The following PTPRN2 variants were observed in gnomAD, a reference collection of about 807,000 sequenced individuals.
The protein encoded by PTPRN2 is receptor-type tyrosine-protein phosphatase N2.
Under a neutral mutation model 118.8 loss-of-function variants are expected in PTPRN2, and 74 were observed. The observed-to-expected ratio is 0.62, with a 90% CI of 0.52 to 0.76. The LOEUF is 0.76. Ranked by LOEUF, PTPRN2 falls within the 30% of genes least tolerant of loss-of-function variation. The probability of loss-of-function intolerance (pLI) is 0.00; values close to 1 mark genes in which losing one functional copy is unlikely to be tolerated. For synonymous variants in PTPRN2, 641 were observed against 608.0 expected (o/e 1.05, Z -0.80); for missense variants, 1,481 against 1,394.4 (o/e 1.06, Z -0.99).
chr7:158,490,876 T>C (rs188525838), intron 1 of PTPRN2, among the ~76,000 whole-genome samples: 18 of 152,332 alleles, frequency 1.2e-4, no homozygotes, highest in African/African-American at 4.1e-4. Context: ...TTCCCTCTCC[T>C]GGAGTTCAGG....
At chr7:157,772,188 G>A (rs1358379782) in intron 12 of PTPRN2, among the ~76,000 whole-genome samples, 2 of 141,146 alleles carry the variant, frequency 1.4e-5, no homozygotes, top group Admixed American at 7.0e-5. Context: ...CACAGACACA[G>A]ACACACATAC....
At chr7:157,981,737 C>T (rs1232712633) in intron 11 of PTPRN2, among the ~76,000 whole-genome samples, 3 of 152,160 alleles carry the variant, frequency 2.0e-5, no homozygotes, top group Non-Finnish European at 2.9e-5. Context: ...TGGGCGTTTC[C>T]AAGTTAATTA....
intron 2 of PTPRN2, among the ~76,000 whole-genome samples, chr7:158,449,228 G>C (rs908116741): frequency 6.6e-6 from 1 of 152,334 alleles, no homozygotes; most frequent in African/African-American, 2.4e-5. Flanking sequence ...TCCAATGACA[G>C]ATACCAAAAC....
At chr7:157,594,871 A>G (rs939521059) in intron 17 of PTPRN2, among the ~76,000 whole-genome samples, 1 of 152,204 alleles carries the variant, frequency 6.6e-6, no homozygotes, top group Non-Finnish European at 1.5e-5. Context: ...AGGATGACAG[A>G]GGATGTACTT....
At chr7:157,846,718 G>A (rs561952445) in intron 12 of PTPRN2, among the ~76,000 whole-genome samples, 160 of 151,058 alleles carry the variant, frequency 1.1e-3, no homozygotes, top group Non-Finnish European at 1.5e-3. Flanking sequence ...ATGCGTGCCC[G>A]ATATCTACAG....
At chr7:158,308,108 T>G (rs550122134) in intron 3 of PTPRN2, among the ~76,000 whole-genome samples, 8 of 152,320 alleles carry the variant, frequency 5.3e-5, no homozygotes, top group Non-Finnish European at 1.0e-4. Flanking sequence ...TATTCTGTGA[T>G]AAGCAACAGA....
chr7:158,568,265 G>GC (rs1827777579), intron 1 of PTPRN2, among the ~76,000 whole-genome samples: 4 of 152,044 alleles, frequency 2.6e-5, no homozygotes, highest in African/African-American at 9.6e-5. Flanking sequence ...TAATAATAAT[G>GC]TTTTAAATTT....
chr7:158,152,017 C>CA (rs1397244327), intron 6 of PTPRN2, among the ~76,000 whole-genome samples: 2 of 151,850 alleles, frequency 1.3e-5, no homozygotes, highest in South Asian at 2.1e-4. Context: ...ACTAAAAATA[C>CA]AAAAAAATTA....
In PTPRN2 at chr7:158,007,909, T is replaced by A. The variant is rs560444622; in HGVS notation, c.1723+73389A>T. On this transcript the variant is annotated intron_variant, in intron 11 of 22. Coordinates refer to ENST00000389418, the MANE Select transcript of PTPRN2 (RefSeq NM_002847.5). ...GTGTGTATGTATCTGGTTGTGTGCATTGCACGTGTGTGAGGGTGTGTGTGG... is the reference window on the plus strand; with the variant it reads ...GTGTGTATGTATCTGGTTGTGTGCAATGCACGTGTGTGAGGGTGTGTGTGG... Among the ~76,000 whole-genome samples, 5 of 150,986 alleles carry A rather than the reference T, an allele frequency of 3.3e-5. No individual in the cohort carries two copies. In the East Asian group the frequency reaches 7.9e-4, roughly 24 times the overall value.
In PTPRN2 at chr7:158,299,969, G is replaced by C. The variant is rs1163915845; in HGVS notation, c.277+16850C>G. Among the ~76,000 whole-genome samples the C allele has an allele frequency of 3.3e-5, 5 of 152,264 alleles. No individual in the cohort carries two copies. In the East Asian group the frequency reaches 7.7e-4, roughly 24 times the overall value. The stretch of plus-strand genomic sequence containing the variant: ...AAGGCCTTTTCCGGTTAACACCACT[G>C]AATGGTTCATGGGGTCAGAGCAGGC... On this transcript the variant is annotated intron_variant, in intron 3 of 22. Transcript: ENST00000389418.
At chr7:158,068,865 GGTGTTGATAGA>G (rs1810989069) in intron 11 of PTPRN2, among the ~76,000 whole-genome samples, 1 of 152,152 alleles carries the variant, frequency 6.6e-6, no homozygotes, top group Non-Finnish European at 1.5e-5. Flanking sequence ...AATAAGACAA[GGTGTTGATAGA>G]GTGCAAACTG....
intron 2 of PTPRN2, among the ~76,000 whole-genome samples, chr7:158,418,865 G>A (rs1019137834): frequency 6.6e-6 from 1 of 152,194 alleles, no homozygotes; most frequent in African/African-American, 2.4e-5. Context: ...AGATGCTGTA[G>A]CTCTCACTGT....
intron 9 of PTPRN2, 64 bp from the exon 10 acceptor site, chr7:158,110,979 C>T: frequency 1.1e-5 from 15 of 1,387,144 alleles, no homozygotes; most frequent in Non-Finnish European, 1.5e-5. Context: ...AGAACTAAAG[C>T]CCTGTGGCCC....
chr7:157,576,611 A>T lies in PTPRN2; in HGVS notation c.2783+2T>A. On this transcript the variant is annotated splice_donor_variant, in intron 19 of 22. Coordinates refer to ENST00000389418, the MANE Select transcript of PTPRN2 (RefSeq NM_002847.5). LOFTEE classifies it high-confidence loss of function. ...GCCCTGCCGGCGGGCCGCGCGTCAT[A>T]CCTGCGGAAGTCCAGGAGGGACCTT... is the stretch of plus-strand genomic sequence containing the variant. The T allele has an allele frequency of 6.2e-7, 1 of 1,608,240 alleles. No individual in the cohort carries two copies. The highest frequency in any genetic ancestry group is 8.5e-7 in the Non-Finnish European group (1 of 1,176,968).
rs1807313098 is a variant in PTPRN2 at position 157,828,199 on chromosome 7, C to CG, written c.1788+70473_1788+70474insC. ...GATGGTGGGAGGTCCTCATGCTTCT[C>CG]TGAGCCCCTTCCACGCGTGTGGTCA... On this transcript the variant is annotated intron_variant, in intron 12 of 22. Transcript: ENST00000389418. Among the ~76,000 whole-genome samples, 3 of 152,352 alleles carry CG rather than the reference C, an allele frequency of 2.0e-5. No individual in the cohort carries two copies. The South Asian group carries it at 6.2e-4, about 32-fold the overall frequency.
intron 12 of PTPRN2, among the ~76,000 whole-genome samples, chr7:157,876,648 C>T (rs1584932087): frequency 6.6e-6 from 1 of 152,168 alleles, no homozygotes; most frequent in South Asian, 2.1e-4. Flanking sequence ...GGAAGACCAG[C>T]GCCCCCACGT....
chr7:158,265,222 T>A (rs1797792207), intron 3 of PTPRN2, among the ~76,000 whole-genome samples: 2 of 151,986 alleles, frequency 1.3e-5, no homozygotes, highest in African/African-American at 4.8e-5. Flanking sequence ...CCACCTGCCA[T>A]CCACTATGCT....
At chr7:158,333,557 C>A (rs1177736462) in intron 2 of PTPRN2, among the ~76,000 whole-genome samples, 3 of 151,308 alleles carry the variant, frequency 2.0e-5, no homozygotes, top group African/African-American at 4.9e-5. Context: ...CACACCCACA[C>A]TCTCACCATA....
At chr7:157,722,834 C>T (rs754722110) in intron 12 of PTPRN2, among the ~76,000 whole-genome samples, 19 of 152,070 alleles carry the variant, frequency 1.2e-4, no homozygotes, top group Non-Finnish European at 2.8e-4. Context: ...CAGGGTGGGG[C>T]TCTGCTCCCA....
Sources: allele counts gnomAD v4.1 joint callset (sites outside exome capture counted in the v4.1 genomes callset), GRCh38; gene constraint gnomAD v4.1.1; transcripts MANE v1.5; gene names NCBI Gene and HGNC (gene_info 2026-07-23, HGNC 2026-07-21).